Variants in PDSS2 observed in about 807,000 individuals in gnomAD.
PDSS2 encodes the protein all trans-polyprenyl-diphosphate synthase PDSS2.
PDSS2 carries 31 observed loss-of-function variants against 44.5 expected under a neutral mutation model. That is an observed-to-expected ratio of 0.70 (90% confidence interval 0.52 to 0.94). The LOEUF (loss-of-function observed/expected upper bound fraction) is 0.94. Among genes scored for constraint, PDSS2 ranks in the 40% least tolerant of loss-of-function variants. The pLI is 0.00. For synonymous variants in PDSS2, 157 were observed against 180.3 expected (o/e 0.87, Z 1.03); for missense variants, 452 against 482.2 (o/e 0.94, Z 0.59).
chr6:107,394,766 A>G (rs946047729), intron 1 of PDSS2, among the ~76,000 whole-genome samples: 2 of 152,170 alleles, frequency 1.3e-5, no homozygotes, highest in African/African-American at 4.8e-5. Flanking sequence ...ACATTTTACT[A>G]CCTCATATGT....
chr6:107,359,004 G>A (rs566327348), intron 1 of PDSS2, among the ~76,000 whole-genome samples: 1 of 90,682 alleles, frequency 1.1e-5, no homozygotes, highest in South Asian at 5.5e-4. Context: ...TAGCATTCTC[G>A]CTCTTTTTTT....
At chr6:107,422,911 G>A (rs1197689886) in intron 1 of PDSS2, among the ~76,000 whole-genome samples, 1 of 151,940 alleles carries the variant, frequency 6.6e-6, no homozygotes, top group African/African-American at 2.4e-5. Flanking sequence ...CTTTTAACTG[G>A]AGATTTCATA....
intron 4 of PDSS2, among the ~76,000 whole-genome samples, chr6:107,236,221 A>T (rs1774217290): frequency 6.6e-6 from 1 of 152,228 alleles, no homozygotes; most frequent in Non-Finnish European, 1.5e-5. Context: ...ATGAAGCAAC[A>T]TCTTTAAAAA....
intron 1 of PDSS2, among the ~76,000 whole-genome samples, chr6:107,398,086 C>G (rs962880917): frequency 6.6e-6 from 1 of 152,178 alleles, no homozygotes; most frequent in Non-Finnish European, 1.5e-5. Flanking sequence ...CTTTAAGAAA[C>G]TACCACCTGT....
intron 1 of PDSS2, among the ~76,000 whole-genome samples, chr6:107,377,425 T>G (rs1283141195): frequency 6.6e-6 from 1 of 152,226 alleles, no homozygotes; most frequent in African/African-American, 2.4e-5. Flanking sequence ...GGAACATTTT[T>G]ACACTGTTGG....
chr6:107,154,382 C>T lies in PDSS2; in HGVS notation c.*237G>A, dbSNP rs782710501. 1.7e-5 allele frequency: 8 copies of T among 476,618 alleles called. No individual in the cohort carries two copies. The highest frequency in any genetic ancestry group is 7.9e-5 in the African/African-American group (4 of 50,848). 29.5% of individuals were successfully genotyped at this position (476,618 alleles called of 1,614,324 possible). On this transcript the variant is annotated 3_prime_UTR_variant, in exon 8 of 8. Coordinates refer to ENST00000369037, the MANE Select transcript of PDSS2 (RefSeq NM_020381.4). ...GAGCGAATCTCATTAATTATTTCTG[C>T]GACTGCAGCCTCAAGTGTGCTTCTG...
chr6:107,241,967 C>G (rs28600954), intron 4 of PDSS2, among the ~76,000 whole-genome samples: 29,174 of 152,106 alleles, frequency 0.19, 3,037 homozygotes, highest in African/African-American at 0.25. Flanking sequence ...CACATGACCT[C>G]CACTTGTGGC....
chr6:107,171,225 G>C (rs1477295812), intron 7 of PDSS2, among the ~76,000 whole-genome samples: 7 of 152,106 alleles, frequency 4.6e-5, no homozygotes, highest in Non-Finnish European at 7.3e-5. Flanking sequence ...GCAGTAGCAA[G>C]ATCATAGTTC....
chr6:107,354,670 T>C (rs1778540015), intron 1 of PDSS2, among the ~76,000 whole-genome samples: 1 of 152,198 alleles, frequency 6.6e-6, no homozygotes, highest in African/African-American at 2.4e-5. Flanking sequence ...GGCTGTACAG[T>C]AGGCTGGGGC....
chr6:107,420,320 G>A (rs1780784777), intron 1 of PDSS2, among the ~76,000 whole-genome samples: 2 of 152,168 alleles, frequency 1.3e-5, no homozygotes, highest in Admixed American at 1.3e-4. Context: ...CTGGAGAGGT[G>A]CTAGCCTTTT....
chr6:107,197,739 CA>C, intron 6 of PDSS2: 1 of 453,604 alleles, frequency 2.2e-6, no homozygotes, highest in Non-Finnish European at 4.6e-6. Context: ...ACACTGAGCA[CA>C]TCTGTCATTT....
rs114754793 is a variant in PDSS2, at chr6:107,154,082, A to T, written c.*537T>A. On this transcript the variant is annotated 3_prime_UTR_variant, in exon 8 of 8. Transcript: ENST00000369037. The stretch of plus-strand genomic sequence containing the variant: ...AAGAGCAAAACTACATCTAAAAAAA[A>T]AATAATAATAATCCAGAGACATAAT... 1,954 of 156,216 alleles carry T rather than the reference A, an allele frequency of 0.013. 46 individuals are homozygous for T. Among genetic ancestry groups the T allele is most frequent in the African/African-American group, 0.044 (1,844 of 41,582 alleles). 9.7% of individuals were successfully genotyped at this position (156,216 alleles called of 1,614,324 possible).
intron 4 of PDSS2, among the ~76,000 whole-genome samples, chr6:107,228,685 ACT>A (rs1773921594): frequency 1.4e-5 from 2 of 147,588 alleles, no homozygotes; most frequent in African/African-American, 5.1e-5. Flanking sequence ...ACAGAGGGAG[ACT>A]CTATCTCAAA....
chr6:107,263,344 T>G (rs1775308431), intron 3 of PDSS2, among the ~76,000 whole-genome samples: 1 of 151,786 alleles, frequency 6.6e-6, no homozygotes, highest in South Asian at 2.1e-4. Context: ...TCCCAGCTAC[T>G]CAGGAGGCTG....
intron 3 of PDSS2, among the ~76,000 whole-genome samples, chr6:107,248,924 A>AG (rs1338773224): frequency 6.6e-6 from 1 of 152,200 alleles, no homozygotes; most frequent in African/African-American, 2.4e-5. Flanking sequence ...TTCAATACCT[A>AG]GAATTATAAT....
At chr6:107,275,930 A>G (rs957749769) in intron 2 of PDSS2, among the ~76,000 whole-genome samples, 28 of 152,218 alleles carry the variant, frequency 1.8e-4, no homozygotes, top group African/African-American at 6.3e-4. Flanking sequence ...TTCAGGCAAC[A>G]TAGTGAGACC....
At chr6:107,213,829 T>C (rs941209353) in intron 4 of PDSS2, among the ~76,000 whole-genome samples, 1 of 152,114 alleles carries the variant, frequency 6.6e-6, no homozygotes, top group Non-Finnish European at 1.5e-5. Context: ...AGAATGAATA[T>C]TATAGTCTTC....
At chr6:107,348,389 T>C (rs1197994622) in intron 1 of PDSS2, among the ~76,000 whole-genome samples, 1 of 152,216 alleles carries the variant, frequency 6.6e-6, no homozygotes, top group African/African-American at 2.4e-5. Flanking sequence ...GTTACTAAGT[T>C]ATTTGTTGAA....
chr6:107,327,029 C>T (rs1447608838), intron 2 of PDSS2, among the ~76,000 whole-genome samples: 1 of 152,056 alleles, frequency 6.6e-6, no homozygotes, highest in Non-Finnish European at 1.5e-5. Context: ...CTACTTGTAC[C>T]TGAATTGATC....
Sources: allele counts gnomAD v4.1 joint callset (sites outside exome capture counted in the v4.1 genomes callset), GRCh38; gene constraint gnomAD v4.1.1; transcripts MANE v1.5; gene names NCBI Gene and HGNC (gene_info 2026-07-23, HGNC 2026-07-21).